The following FHIT variants were observed in gnomAD, a reference collection of about 807,000 sequenced individuals.
FHIT encodes the protein bis(5'-adenosyl)-triphosphatase.
In FHIT, 19 loss-of-function variants were observed where a neutral mutation model predicts 17.9. The ratio of observed to expected loss-of-function variants is 1.06; its 90% CI spans 0.74 to 1.56. The LOEUF (loss-of-function observed/expected upper bound fraction) is 1.56. Ranked by LOEUF, FHIT falls within the 40% of genes most tolerant of loss-of-function variation. FHIT has a pLI of 0.00. For synonymous variants in FHIT, 81 were observed against 69.7 expected (o/e 1.16, Z -0.81); for missense variants, 248 against 189.2 (o/e 1.31, Z -1.82).
intron 5 of FHIT, among the ~76,000 whole-genome samples, chr3:60,066,833 T>A (rs1234458822): frequency 6.6e-6 from 1 of 151,836 alleles, no homozygotes; most frequent in Non-Finnish European, 1.5e-5. Flanking sequence ...ATTTTTTATA[T>A]TTTTAGTAGA....
chr3:61,187,411 G>T (rs140312073), intron 2 of FHIT, among the ~76,000 whole-genome samples: 4 of 152,118 alleles, frequency 2.6e-5, no homozygotes, highest in African/African-American at 9.6e-5. Flanking sequence ...CCCAATACAG[G>T]AGCACCCAGA....
chr3:60,595,533 A>ATATG (rs1491246100), intron 4 of FHIT, among the ~76,000 whole-genome samples: 23 of 1,836 alleles, frequency 0.013, no homozygotes, highest in African/African-American at 0.11. Context: ...ACACACACAC[A>ATATG]TATATATGTG....
At chr3:61,014,497 C>T (rs960342361) in intron 3 of FHIT, among the ~76,000 whole-genome samples, 1 of 151,638 alleles carries the variant, frequency 6.6e-6, no homozygotes, top group African/African-American at 2.4e-5. Context: ...TACGTACATC[C>T]GGCTGGGCGC....
chr3:60,509,820 T>C (rs150088743), intron 5 of FHIT, among the ~76,000 whole-genome samples: 122 of 152,360 alleles, frequency 8.0e-4, no homozygotes, highest in African/African-American at 2.8e-3. Context: ...GTTATGGATA[T>C]AGTCTTTCTA....
intron 4 of FHIT, among the ~76,000 whole-genome samples, chr3:60,623,674 A>G (rs1199464068): frequency 2.0e-5 from 3 of 152,210 alleles, no homozygotes; most frequent in Non-Finnish European, 4.4e-5. Context: ...CAGCACTAGC[A>G]TGTCATATTG....
chr3:59,981,964 G>GAA (rs3836265), intron 7 of FHIT, among the ~76,000 whole-genome samples: 10,114 of 150,438 alleles, frequency 0.067, 441 homozygotes, highest in Admixed American at 0.12. Context: ...TCAGCAAAAA[G>GAA]AAAAAAAAAA....
chr3:60,303,208 T>C (rs948076227), intron 5 of FHIT, among the ~76,000 whole-genome samples: 2 of 152,166 alleles, frequency 1.3e-5, no homozygotes, highest in African/African-American at 2.4e-5. Flanking sequence ...CAGAAGAAAC[T>C]ATTTCTTTTC....
chr3:60,898,825 A>T (rs1450393866), intron 3 of FHIT, among the ~76,000 whole-genome samples: 1 of 152,186 alleles, frequency 6.6e-6, no homozygotes, highest in Non-Finnish European at 1.5e-5. Flanking sequence ...CCCATACGGG[A>T]AGCATAGACC....
intron 4 of FHIT, among the ~76,000 whole-genome samples, chr3:60,643,055 G>A (rs2039765495): frequency 6.6e-6 from 1 of 152,116 alleles, no homozygotes; most frequent in Non-Finnish European, 1.5e-5. Context: ...ACGTGGCAAG[G>A]ACTATGTGTA....
At chr3:60,202,631 A>G (rs1410372562) in intron 5 of FHIT, among the ~76,000 whole-genome samples, 1 of 152,204 alleles carries the variant, frequency 6.6e-6, no homozygotes, top group Non-Finnish European at 1.5e-5. Context: ...GTGTCACTGT[A>G]GTCAGGAGAA....
chr3:60,396,006 T>C (rs1701425584), intron 5 of FHIT, among the ~76,000 whole-genome samples: 1 of 151,970 alleles, frequency 6.6e-6, no homozygotes. Flanking sequence ...ACATCACAGA[T>C]CACCACACCA....
chr3:60,782,237 G>GTATATATATATA (rs11272366), intron 4 of FHIT, among the ~76,000 whole-genome samples: 52 of 95,586 alleles, frequency 5.4e-4, no homozygotes, highest in African/African-American at 1.8e-3. Context: ...GTGTGTGTGT[G>GTATATATATATA]TATATATATA....
intron 4 of FHIT, among the ~76,000 whole-genome samples, chr3:60,610,524 G>A (rs1007041171): frequency 1.3e-5 from 2 of 152,070 alleles, no homozygotes; most frequent in Admixed American, 6.6e-5. Flanking sequence ...ACATGGGTGC[G>A]ATAGGTTCCA....
rs78011224 is a variant in FHIT at position 60,996,474 on chromosome 3, A to C, written c.-111+45573T>G. 3.4e-3 allele frequency among the ~76,000 whole-genome samples: 520 copies of C among 152,284 alleles called. 11 individuals carry two copies. The East Asian group carries it at 0.06, about 18-fold the overall frequency. Reference sequence around the variant, plus strand: ...TTATGATTTTGTTCTTAATTGTGGCATTTTGTTGTTGCTGTGAGGACTCAA... The same window carrying C: ...TTATGATTTTGTTCTTAATTGTGGCCTTTTGTTGTTGCTGTGAGGACTCAA... On this transcript the variant is annotated intron_variant, in intron 3 of 9. Transcript: ENST00000492590.
At chr3:59,860,611 T>G (rs924179908) in intron 8 of FHIT, among the ~76,000 whole-genome samples, 1 of 152,226 alleles carries the variant, frequency 6.6e-6, no homozygotes, top group Admixed American at 6.5e-5. Flanking sequence ...ATGAAAAGTA[T>G]GAGACTGACT....
intron 3 of FHIT, among the ~76,000 whole-genome samples, chr3:60,918,258 C>T (rs1575687679): frequency 6.6e-6 from 1 of 152,144 alleles, no homozygotes; most frequent in Non-Finnish European, 1.5e-5. Context: ...ATTAGCCAGT[C>T]TTTACTAGCA....
At chr3:60,523,360 T>A (rs7649971) in intron 5 of FHIT, among the ~76,000 whole-genome samples, 40,225 of 152,014 alleles carry the variant, frequency 0.26, 5,838 homozygotes, top group East Asian at 0.52. Flanking sequence ...ACTCTACTTT[T>A]TCATAGTCAC....
intron 5 of FHIT, among the ~76,000 whole-genome samples, chr3:60,246,143 G>A (rs1705384866): frequency 6.6e-6 from 1 of 152,030 alleles, no homozygotes; most frequent in South Asian, 2.1e-4. Context: ...AGGCATTGCA[G>A]TAATACAGGC....
chr3:59,853,546 A>G (rs543859261), intron 8 of FHIT, among the ~76,000 whole-genome samples: 98 of 152,352 alleles, frequency 6.4e-4, no homozygotes, highest in African/African-American at 2.3e-3. Flanking sequence ...AAAATATGAA[A>G]CTGGAAGCTT....
Sources: gnomAD v4.1 joint callset for allele counts (sites outside exome capture counted in the v4.1 genomes callset) on GRCh38, gnomAD v4.1.1 for gene constraint, MANE v1.5 for transcripts, NCBI Gene and HGNC (gene_info 2026-07-23, HGNC 2026-07-21) for gene names.